The following ADNP2 variants were observed in gnomAD, a reference collection of about 807,000 sequenced individuals.
ADNP2 encodes activity-dependent neuroprotector homeobox protein 2.
A neutral mutation model predicts 16.4 loss-of-function variants in ADNP2; 8 were observed. The observed-to-expected ratio is 0.49, with a 90% CI of 0.29 to 0.88. ADNP2 has a LOEUF of 0.88. ADNP2 is among the 40% of genes least tolerant of loss of function. ADNP2 has a pLI of 0.09. For missense variants in ADNP2, 1,397 were observed against 1,395.1 expected, an observed-to-expected ratio of 1.00 and a Z score of -0.02; for synonymous variants, 637 against 545.8, an observed-to-expected ratio of 1.17 and a Z score of -2.33.
chr18:80,122,634 G>C (rs2052432094), intron 2 of ADNP2, among the ~76,000 whole-genome samples: 1 of 152,216 alleles, frequency 6.6e-6, no homozygotes, highest in Non-Finnish European at 1.5e-5. Flanking sequence ...TTTCAGTGCA[G>C]ATATATAGAA....
intron 2 of ADNP2, among the ~76,000 whole-genome samples, chr18:80,121,883 C>A (rs544693437): frequency 1.3e-4 from 20 of 151,942 alleles, no homozygotes; most frequent in Non-Finnish European, 2.8e-4. Flanking sequence ...AGTTCTATTC[C>A]ATTGATCTAT....
Position 80,138,243 on chromosome 18 carries a change from G to T in ADNP2, c.2830G>T (p.Asp944Tyr). 2.5e-6 allele frequency: 4 copies of T among 1,614,156 alleles called. No homozygotes were observed. Among genetic ancestry groups the T allele is most frequent in the Non-Finnish European group, 3.4e-6 (4 of 1,180,042 alleles). ...GGTGCGCTGCAGAAGTGCTCCCAAG[G>T]ACAGCAGCTCAGACCTGCAGGCCCA... ...HLVRCRSAPKDSSSDLQAQPG... is the reference protein window; with the variant it reads ...HLVRCRSAPKYSSSDLQAQPG... The change falls in exon 4 of 4, where the codon GAC becomes TAC. Residue 944 changes from aspartate (D) to tyrosine (Y), a missense_variant. Physicochemically the swap from Asp to Tyr is radical, Grantham distance 160. Coordinates refer to ENST00000262198, the MANE Select transcript of ADNP2 (RefSeq NM_014913.4).
chr18:80,117,235 C>G (rs2052395000), intron 1 of ADNP2, among the ~76,000 whole-genome samples: 1 of 152,062 alleles, frequency 6.6e-6, no homozygotes. Flanking sequence ...GGTGTCCTAT[C>G]TAGGAATTCC....
At chr18:80,116,068 T>C (rs2052387375) in intron 1 of ADNP2, among the ~76,000 whole-genome samples, 1 of 152,226 alleles carries the variant, frequency 6.6e-6, no homozygotes, top group African/African-American at 2.4e-5. Context: ...CTCGGCCCAC[T>C]GTTGTGCTTT....
rs763822328 is a variant in ADNP2 at position 80,137,313 on chromosome 18, G to A, written c.1900G>A (p.Val634Ile). ...GGTTCCCCCTGGAGGCCTTGCGACT[G>A]TCGCTCCGCCCCAGATGCCCATCCA... ...LPVPPGGLAT[V>I]APPQMPIQLL... Residue 634 changes from valine to isoleucine, a missense_variant, in exon 4 of 4, where the codon GTC (valine) becomes ATC (isoleucine). This residue lies in a region of ADNP2 where 611 missense variants were observed against 648.7 expected (regional missense o/e 0.94). Coordinates refer to ENST00000262198, the MANE Select transcript of ADNP2 (RefSeq NM_014913.4). This position sits in a 1 kb window ranked among gnomAD's most constrained non-coding sequence, Gnocchi z 4.2. 1 of 1,613,952 alleles carries A rather than the reference G, an allele frequency of 6.2e-7. No individual in the cohort carries two copies. Among genetic ancestry groups the A allele is most frequent in the Admixed American group, 1.7e-5 (1 of 59,996 alleles).
intron 3 of ADNP2, among the ~76,000 whole-genome samples, chr18:80,133,516 A>G (rs1440537353): frequency 1.3e-5 from 2 of 152,272 alleles, no homozygotes; most frequent in African/African-American, 4.8e-5. Flanking sequence ...CATTAAGTGC[A>G]TACAGTGAAT....
At chr18:80,111,705 C>T (rs1329061972) in intron 1 of ADNP2, among the ~76,000 whole-genome samples, 1 of 151,622 alleles carries the variant, frequency 6.6e-6, no homozygotes, top group African/African-American at 2.4e-5. Flanking sequence ...TAGGACCCAG[C>T]CAATTTTTTG....
chr18:80,124,189 G>A (rs1429546423), intron 2 of ADNP2, among the ~76,000 whole-genome samples: 2 of 152,124 alleles, frequency 1.3e-5, no homozygotes, highest in African/African-American at 4.8e-5. Context: ...GTCTTTCTAG[G>A]AATTTGTCCA....
In ADNP2 at chr18:80,136,912, C is replaced by T. The variant is rs138759432; in HGVS notation, c.1499C>T (p.Pro500Leu). The change falls in exon 4 of 4, where the codon CCA becomes CTA. Residue 500 changes from proline to leucine, a missense_variant. Pro to Leu is a moderately conservative substitution (Grantham distance 98). Around this residue, in one of 3 missense-constraint regions of ADNP2, gnomAD observed 777 missense variants for 719.4 expected, o/e 1.08. Transcript: ENST00000262198. The part of the protein sequence containing the change: ...GQTAPSRVLP[P>L]GQTAPLRVIS... Reference sequence around the variant, plus strand: ...ACAGCTCCGTCACGGGTTCTTCCCCCAGGCCAGACAGCCCCATTGAGGGTT... The same window carrying T: ...ACAGCTCCGTCACGGGTTCTTCCCCTAGGCCAGACAGCCCCATTGAGGGTT... 6.2e-7 allele frequency: 1 copy of T among 1,614,028 alleles called. No individual in the cohort carries two copies. Among genetic ancestry groups the T allele is most frequent in the South Asian group, 1.1e-5 (1 of 91,068 alleles).
chr18:80,122,616 T>G (rs1200158160), intron 2 of ADNP2, among the ~76,000 whole-genome samples: 4 of 152,256 alleles, frequency 2.6e-5, no homozygotes, highest in African/African-American at 4.8e-5. Context: ...TAATTTCCTG[T>G]TCAGATTTTT....
chr18:80,112,326 C>T (rs2052362868), intron 1 of ADNP2, among the ~76,000 whole-genome samples: 1 of 152,018 alleles, frequency 6.6e-6, no homozygotes, highest in African/African-American at 2.4e-5. Context: ...TAAAAGTCAG[C>T]TTCCCATCCC....
rs567799544 is a variant in ADNP2, at chr18:80,139,697, G to A, written c.*888G>A. 6.6e-6 allele frequency: 1 copy of A among 152,648 alleles called. No homozygotes were observed. Among genetic ancestry groups the A allele is most frequent in the East Asian group, 1.9e-4 (1 of 5,174 alleles). The allele number at this position is 152,648 out of a possible 1,614,324, so 9.5% of individuals were successfully genotyped here. ...TAACTACTCATAAACTAGTGAAAGG[G>A]AAGGTCTATGATACTCAGGAATAAG... On this transcript the variant is annotated 3_prime_UTR_variant, in exon 4 of 4. Coordinates refer to ENST00000262198, the MANE Select transcript of ADNP2 (RefSeq NM_014913.4).
intron 1 of ADNP2, among the ~76,000 whole-genome samples, chr18:80,110,869 G>A (rs1166348319): frequency 6.6e-6 from 1 of 152,156 alleles, no homozygotes; most frequent in African/African-American, 2.4e-5. Context: ...GTTGAGGGGA[G>A]GAACAGTGAG....
chr18:80,121,923 G>T (rs984905033), intron 2 of ADNP2, among the ~76,000 whole-genome samples: 13 of 146,422 alleles, frequency 8.9e-5, no homozygotes, highest in African/African-American at 3.0e-4. Flanking sequence ...TCCTATACTG[G>T]TTTTTTTTTT....
chr18:80,117,608 T>C lies in ADNP2; in HGVS notation c.66T>C (p.Ile22=). 1 of 1,608,230 alleles carries C rather than the reference T, an allele frequency of 6.2e-7. No homozygotes were observed. ...AGGTGCGAAAAAAGGTGAAAGGTAT[T>C]CTTGTGGATATTGGGCTTGACAGCT... The part of the protein sequence containing the change: ...IRKVRKKVKG[I]LVDIGLDSCK... Residue 22 remains isoleucine (I), a synonymous_variant, in exon 2 of 4, where the codon ATT becomes ATC. Transcript: ENST00000262198.
rs2052508873 is a variant in ADNP2, at chr18:80,133,098, A to G, written c.109-5A>G. The G allele has an allele frequency of 1.9e-6, 3 of 1,578,382 alleles. No homozygotes were observed. Among genetic ancestry groups the G allele is most frequent in the East Asian group, 2.2e-5 (1 of 44,698 alleles). On this transcript the variant is annotated splice_region_variant and splice_polypyrimidine_tract_variant and intron_variant, in intron 2 of 3. Transcript: ENST00000262198. ...TAATCTCTTTTTTTTCTCCCTTTTTAAAAGGACCTTAAAGGCTTTGATCCA... is the reference window on the plus strand; with the variant it reads ...TAATCTCTTTTTTTTCTCCCTTTTTGAAAGGACCTTAAAGGCTTTGATCCA...
chr18:80,133,041 A>G, intron 2 of ADNP2, 62 bp from the exon 3 acceptor site: 1 of 1,185,124 alleles, frequency 8.4e-7, no homozygotes, highest in Non-Finnish European at 1.2e-6. Context: ...ATCAGGTTCT[A>G]ATTAAATATT....
At chr18:80,128,280 C>G (rs111405561) in intron 2 of ADNP2, among the ~76,000 whole-genome samples, 8 of 152,330 alleles carry the variant, frequency 5.3e-5, no homozygotes, top group African/African-American at 1.9e-4. Flanking sequence ...TTGTTGGAAT[C>G]AGAATAAAGG....
At chr18:80,121,245 T>C (rs978487729) in intron 2 of ADNP2, among the ~76,000 whole-genome samples, 3 of 152,170 alleles carry the variant, frequency 2.0e-5, no homozygotes, top group Non-Finnish European at 2.9e-5. Context: ...ATCCTAATAG[T>C]GTAAAGTGGA....
Sources: allele counts gnomAD v4.1 joint callset (sites outside exome capture counted in the v4.1 genomes callset), GRCh38; gene constraint gnomAD v4.1.1; regional missense constraint gnomAD v4.1.1; non-coding constraint Gnocchi (gnomAD v3.1); transcripts MANE v1.5; gene names NCBI Gene and HGNC (gene_info 2026-07-23, HGNC 2026-07-21).